Variants in DYSF observed in about 807,000 individuals in gnomAD.
The protein encoded by DYSF is dystrophy-associated fer-1-like 1.
DYSF carries 212 observed loss-of-function variants against 274.9 expected under a neutral mutation model. That is an observed-to-expected ratio of 0.77 (90% CI 0.69 to 0.86). The LOEUF (loss-of-function observed/expected upper bound fraction) is 0.86. Among genes scored for constraint, DYSF ranks in the 40% least tolerant of loss-of-function variants. DYSF has a pLI of 0.00. For synonymous variants in DYSF, 1,091 were observed against 1,078.7 expected, an observed-to-expected ratio of 1.01 and a Z score of -0.22; for missense variants, 2,666 against 2,783.2, an observed-to-expected ratio of 0.96 and a Z score of 0.95.
At chr2:71,561,426 A>T (rs905034052) in intron 22 of DYSF, among the ~76,000 whole-genome samples, 1 of 152,144 alleles carries the variant, frequency 6.6e-6, no homozygotes, top group Non-Finnish European at 1.5e-5. Flanking sequence ...GCCTGTAGTC[A>T]GTGGGGCAGA....
chr2:71,574,170 C>T (rs1237877232), intron 29 of DYSF, 28 bp from the exon 30 acceptor site: 13 of 1,611,094 alleles, frequency 8.1e-6, no homozygotes, highest in African/African-American at 1.3e-5. Flanking sequence ...TCCCACCGGC[C>T]TCTGAGTCTG....
chr2:71,652,061 C>G (rs2094673764), intron 42 of DYSF, among the ~76,000 whole-genome samples: 1 of 152,186 alleles, frequency 6.6e-6, no homozygotes, highest in Admixed American at 6.5e-5. Flanking sequence ...GGTTTCTTTA[C>G]TGTAGAAAAT....
intron 36 of DYSF, among the ~76,000 whole-genome samples, chr2:71,607,930 A>C (rs138087612): frequency 1.8e-3 from 270 of 152,228 alleles, no homozygotes; most frequent in Non-Finnish European, 2.3e-3. Context: ...AGTCTAGGAG[A>C]GGGCTAAGGA....
At chr2:71,530,491 G>T (rs2088560803) in intron 14 of DYSF, among the ~76,000 whole-genome samples, 1 of 152,144 alleles carries the variant, frequency 6.6e-6, no homozygotes, top group East Asian at 1.9e-4. Flanking sequence ...CTTTAGGAAG[G>T]TACCAGTGTC....
intron 1 of DYSF, among the ~76,000 whole-genome samples, chr2:71,471,732 G>A (rs1007451929): frequency 2.6e-5 from 4 of 152,184 alleles, no homozygotes; most frequent in African/African-American, 9.7e-5. Flanking sequence ...CACTTTGGGA[G>A]GCTGAGGTGG....
intron 3 of DYSF, among the ~76,000 whole-genome samples, chr2:71,498,336 G>T (rs1487937189): frequency 6.6e-6 from 1 of 152,206 alleles, no homozygotes; most frequent in Non-Finnish European, 1.5e-5. Context: ...GTGGGCAGGG[G>T]GCTAGGGAAT....
chr2:71,631,200 A>C (rs2094307442), intron 41 of DYSF, among the ~76,000 whole-genome samples: 1 of 152,224 alleles, frequency 6.6e-6, no homozygotes. Flanking sequence ...CATCCAAGGC[A>C]GTTTGTCTCT....
At position 71,568,343 on chromosome 2, in the gene DYSF, G is replaced by T; in HGVS notation, c.2864+5G>T. 1 of 1,613,852 alleles carries T rather than the reference G, an allele frequency of 6.2e-7. No individual in the cohort carries two copies. The highest frequency in any genetic ancestry group is 8.5e-7 in the Non-Finnish European group (1 of 1,179,802). ...GTTCGTGTGTCCGGAGAAGACGTGA[G>T]TCGTGGGCAGGGAGGGCTGGGGAGA... On this transcript the variant is annotated splice_donor_5th_base_variant and intron_variant, in intron 26 of 55. Transcript: ENST00000410020.
intron 17 of DYSF, among the ~76,000 whole-genome samples, chr2:71,544,724 T>C (rs536561814): frequency 2.0e-5 from 3 of 152,276 alleles, no homozygotes; most frequent in African/African-American, 7.2e-5. Flanking sequence ...GCCTCCCAAA[T>C]GTTAACATCG....
intron 32 of DYSF, among the ~76,000 whole-genome samples, chr2:71,591,834 C>T (rs1216607245): frequency 6.6e-6 from 1 of 152,256 alleles, no homozygotes; most frequent in East Asian, 1.9e-4. Flanking sequence ...CCCTCAGTGG[C>T]CCATCCTCCA....
chr2:71,564,016 G>T (rs762237868), intron 23 of DYSF, 42 bp from the exon 24 acceptor site: 1 of 1,612,578 alleles, frequency 6.2e-7, no homozygotes, highest in Non-Finnish European at 8.5e-7. Flanking sequence ...GCGTGGGCCT[G>T]GTGTGTCACC....
chr2:71,512,784 C>G (rs1392873916), intron 5 of DYSF, among the ~76,000 whole-genome samples: 1 of 145,686 alleles, frequency 6.9e-6, no homozygotes, highest in Non-Finnish European at 1.5e-5. Flanking sequence ...CTGTGCCTGA[C>G]CTGGGGCCAG....
intron 3 of DYSF, among the ~76,000 whole-genome samples, chr2:71,498,168 G>A (rs995045689): frequency 9.9e-5 from 15 of 152,136 alleles, no homozygotes; most frequent in African/African-American, 3.6e-4. Context: ...GAAAGGCCTG[G>A]GCAAAACTCT....
chr2:71,509,901 G>A (rs1360782952), intron 4 of DYSF, among the ~76,000 whole-genome samples: 2 of 152,048 alleles, frequency 1.3e-5, no homozygotes, highest in Non-Finnish European at 2.9e-5. Flanking sequence ...TCAGCCTCCT[G>A]AGTAGCAGGG....
intron 17 of DYSF, 60 bp downstream of exon 17, chr2:71,539,299 T>G: frequency 7.0e-7 from 1 of 1,431,206 alleles, no homozygotes; most frequent in South Asian, 1.1e-5. Flanking sequence ...ACCCCCTCTA[T>G]CCAGCTTACA....
chr2:71,542,838 C>A (rs1016102538), intron 17 of DYSF, among the ~76,000 whole-genome samples: 6 of 152,256 alleles, frequency 3.9e-5, no homozygotes, highest in Admixed American at 3.9e-4. Flanking sequence ...CCTTTCTACT[C>A]GACAAAACCG....
chr2:71,517,037 C>A lies in DYSF; in HGVS notation c.1000C>A (p.Arg334=), dbSNP rs184771575. The A allele has an allele frequency of 6.2e-7, 1 of 1,613,962 alleles. No individual in the cohort carries two copies. Among genetic ancestry groups the A allele is most frequent in the South Asian group, 1.1e-5 (1 of 91,078 alleles). ...LRTDALLGEF[R]MDVGTIYREP... ...GACAGATGCTCTCCTCGGGGAGTTC[C>A]GGGTAATTGCTTATTTTCTATGAAA... The change falls in exon 10 of 56, where the codon CGG becomes AGG. Residue 334 remains arginine (R), a splice_region_variant and synonymous_variant. Transcript: ENST00000410020.
chr2:71,631,301 A>G (rs116297980), intron 41 of DYSF, among the ~76,000 whole-genome samples: 3,000 of 152,328 alleles, frequency 0.02, 83 homozygotes, highest in African/African-American at 0.065. Context: ...ACTTTTGTAC[A>G]TATCAGATGT....
intron 32 of DYSF, among the ~76,000 whole-genome samples, chr2:71,591,144 C>T (rs184136277): frequency 1.3e-5 from 2 of 152,378 alleles, no homozygotes; most frequent in South Asian, 2.1e-4. Context: ...ACTCTGTCCA[C>T]GTTGCCCATG....
Sources: allele counts gnomAD v4.1 joint callset (sites outside exome capture counted in the v4.1 genomes callset), GRCh38; gene constraint gnomAD v4.1.1; transcripts MANE v1.5; gene names NCBI Gene and HGNC (gene_info 2026-07-23, HGNC 2026-07-21).